The following PAK4 variants were observed in gnomAD, a reference collection of about 807,000 sequenced individuals.
The protein encoded by PAK4 is p21 (RAC1) activated kinase 4.
PAK4 carries 49 observed loss-of-function variants against 53.5 expected under a neutral mutation model. The ratio of observed to expected loss-of-function variants is 0.92; its 90% CI spans 0.73 to 1.16. The LOEUF is 1.16. Among genes scored for constraint, PAK4 ranks in the 50% most tolerant of loss-of-function variants. PAK4 has a pLI of 0.00. For synonymous variants in PAK4, 376 were observed against 375.6 expected, an observed-to-expected ratio of 1.00 and a Z score of -0.01; for missense variants, 824 against 850.7, an observed-to-expected ratio of 0.97 and a Z score of 0.39.
chr19:39,169,700 G>A, exon 2 of PAK4: 3 of 1,611,640 alleles, frequency 1.9e-6, no homozygotes, highest in Non-Finnish European at 1.7e-6. Flanking sequence ...CGGCTCGCCG[G>A]CCCAAGCCCC....
chr19:39,132,520 C>T (rs894821361), intron 1 of PAK4, among the ~76,000 whole-genome samples: 9 of 152,384 alleles, frequency 5.9e-5, no homozygotes, highest in Admixed American at 1.3e-4. Context: ...CACAGAGTGC[C>T]GCCTCGTGTC....
intron 1 of PAK4, among the ~76,000 whole-genome samples, chr19:39,153,232 C>T (rs1269996006): frequency 1.3e-5 from 2 of 152,114 alleles, no homozygotes; most frequent in Non-Finnish European, 2.9e-5. Flanking sequence ...CCCAGTCCCT[C>T]CCTTCCCCCA....
chr19:39,179,774 G>T (rs1012436195), downstream of PAK4: 1 of 152,282 alleles, frequency 6.6e-6, no homozygotes, highest in African/African-American at 2.4e-5. Flanking sequence ...TGGTCAGTGG[G>T]CAGATGGGCT....
intron 1 of PAK4, among the ~76,000 whole-genome samples, chr19:39,129,421 G>C (rs948231857): frequency 6.6e-6 from 1 of 151,910 alleles, no homozygotes; most frequent in African/African-American, 2.4e-5. Context: ...ACCATGGCCA[G>C]AGTCTCTCTG....
intron 1 of PAK4, among the ~76,000 whole-genome samples, chr19:39,165,214 A>T (rs2074351527): frequency 6.7e-6 from 1 of 149,274 alleles, no homozygotes; most frequent in Non-Finnish European, 1.5e-5. Flanking sequence ...AATAATAATA[A>T]TAATAAGGCC....
chr19:39,177,203 G>A lies in PAK4; in HGVS notation c.1486-472G>A, dbSNP rs550185022. Among the ~76,000 whole-genome samples, 23 of 152,326 alleles carry A rather than the reference G, an allele frequency of 1.5e-4. No individual in the cohort carries two copies. The South Asian group carries it at 4.6e-3, about 30-fold the overall frequency. On this transcript the variant is annotated intron_variant, in intron 7 of 8. Transcript: ENST00000358301. ...TTCTGAGCATTGTTTTCACAGGCCG[G>A]CTTTCCCCTTGTGGGAGCAGAGCTG... is the stretch of plus-strand genomic sequence containing the variant.
At chr19:39,151,061 G>C (rs1310149745) in intron 1 of PAK4, among the ~76,000 whole-genome samples, 1 of 152,216 alleles carries the variant, frequency 6.6e-6, no homozygotes, top group Admixed American at 6.5e-5. Flanking sequence ...TGGGGGCGGA[G>C]AGTGTGCAAA....
rs2074575735 is a variant in PAK4 at position 39,175,105 on chromosome 19, G to T, written c.1232+41G>T. 1.9e-6 allele frequency: 3 copies of T among 1,577,894 alleles called. No individual in the cohort carries two copies. The highest frequency in any genetic ancestry group is 2.6e-6 in the Non-Finnish European group (3 of 1,161,374). Reference sequence around the variant, plus strand: ...CAGACCCCTCCTGTGACACGACCAAGTCCCCTCCAGACCACTAGGGGTGGG... The same window carrying T: ...CAGACCCCTCCTGTGACACGACCAATTCCCCTCCAGACCACTAGGGGTGGG... On this transcript the variant is annotated intron_variant, in intron 5 of 8. Coordinates refer to ENST00000358301, the Ensembl canonical transcript of PAK4. This position sits in a 1 kb window ranked among gnomAD's most constrained non-coding sequence, Gnocchi z 4.7.
intron 1 of PAK4, among the ~76,000 whole-genome samples, chr19:39,127,629 G>A (rs1261589928): frequency 6.6e-6 from 1 of 152,056 alleles, no homozygotes; most frequent in Non-Finnish European, 1.5e-5. Flanking sequence ...GTGTGGCAGG[G>A]GACGAGATCC....
At position 39,178,587 on chromosome 19, in the gene PAK4, C is replaced by T. The variant is rs371711789; in HGVS notation, c.*8C>T. The stretch of plus-strand genomic sequence containing the variant: ...CAGAACCGCACCAGATGAGGCCCAG[C>T]GCCCTTCCCCTCAACCAAAGAGCCC... On this transcript the variant is annotated 3_prime_UTR_variant, in exon 9 of 9. Transcript: ENST00000358301. This position sits in a 1 kb window ranked among gnomAD's most constrained non-coding sequence, Gnocchi z 4.4. 1.2e-5 allele frequency: 19 copies of T among 1,566,746 alleles called. No homozygotes were observed. The African/African-American group carries it at 2.2e-4, about 18-fold the overall frequency.
At chr19:39,176,633 A>C in exon 7 of PAK4, 1 of 1,613,802 alleles carries the variant, frequency 6.2e-7, no homozygotes, top group Non-Finnish European at 8.5e-7. Context: ...GTGAGCAAGG[A>C]AGTGCCCCGA....
At chr19:39,152,377 C>G (rs371948583) in intron 1 of PAK4, 7 of 152,326 alleles carry the variant, frequency 4.6e-5, no homozygotes, top group African/African-American at 1.4e-4. Flanking sequence ...TGCCGTATCA[C>G]AGTGCTTATG....
rs191629270 is a variant in PAK4 at position 39,169,514 on chromosome 19, C to T, written c.-22-18C>T. The T allele has an allele frequency of 1.7e-3, 2,685 of 1,568,678 alleles. 10 individuals carry two copies. The highest frequency in any genetic ancestry group is 1.7e-3 in the Non-Finnish European group (1,916 of 1,140,388). ...CATGGGCAGGCTCTCACTCACCCAC[C>T]GTGATTCCCTCCCGCAGGCCGCACC... On this transcript the variant is annotated intron_variant, in intron 1 of 8. Coordinates refer to ENST00000358301, the Ensembl canonical transcript of PAK4.
chr19:39,164,724 T>C (rs2074340961), intron 1 of PAK4, among the ~76,000 whole-genome samples: 1 of 152,172 alleles, frequency 6.6e-6, no homozygotes, highest in Non-Finnish European at 1.5e-5. Context: ...CAGGCCCAGC[T>C]CTGCTCGGTG....
Position 39,173,602 on chromosome 19 carries a change from C to T in PAK4, c.690C>T (p.Asn230=), listed in dbSNP as rs543752888. Residue 230 remains asparagine (N), a synonymous_variant, in exon 4 of 9, where the codon AAC becomes AAT. Coordinates refer to ENST00000358301, the Ensembl canonical transcript of PAK4. The surrounding 1 kb of genome is among the most constrained non-coding windows in gnomAD (Gnocchi z 6.9). Reference sequence around the variant, plus strand: ...GGGAGCCTCATGACGTGGCCCCTAACGGGCCATCAGCGGGGGGCCTGGCCA... The same window carrying T: ...GGGAGCCTCATGACGTGGCCCCTAATGGGCCATCAGCGGGGGGCCTGGCCA... 9.8e-6 allele frequency: 15 copies of T among 1,529,722 alleles called. No individual in the cohort carries two copies. Among genetic ancestry groups the T allele is most frequent in the African/African-American group, 6.9e-5 (5 of 72,254 alleles). 94.8% of individuals were successfully genotyped at this position (1,529,722 alleles called of 1,614,324 possible). A position where few individuals can be genotyped will look rare whatever the true frequency, so the allele number is the denominator to read the frequency against.
chr19:39,134,873 G>T (rs1313043273), intron 1 of PAK4: 3 of 152,162 alleles, frequency 2.0e-5, no homozygotes, highest in South Asian at 2.1e-4. Context: ...CCAAAGTGCC[G>T]GCATTACAGG....
intron 1 of PAK4, chr19:39,152,255 C>G (rs2074104655): frequency 6.6e-6 from 1 of 152,104 alleles, no homozygotes; most frequent in Non-Finnish European, 1.5e-5. Flanking sequence ...TTGAGCCATC[C>G]CACTCTGTCC....
chr19:39,167,443 C>T (rs1385525935), intron 1 of PAK4, among the ~76,000 whole-genome samples: 5 of 152,044 alleles, frequency 3.3e-5, no homozygotes, highest in Non-Finnish European at 7.4e-5. Context: ...TAGGTCAGGG[C>T]CACCAGGGGT....
At chr19:39,133,215 AT>A (rs1357346003) in intron 1 of PAK4, among the ~76,000 whole-genome samples, 1 of 152,236 alleles carries the variant, frequency 6.6e-6, no homozygotes, top group Non-Finnish European at 1.5e-5. Context: ...TGCTAATGAT[AT>A]CTACTCTTAG....
Sources: allele counts gnomAD v4.1 joint callset (sites outside exome capture counted in the v4.1 genomes callset), GRCh38; gene constraint gnomAD v4.1.1; non-coding constraint Gnocchi (gnomAD v3.1); transcripts MANE v1.5; gene names NCBI Gene and HGNC (gene_info 2026-07-23, HGNC 2026-07-21).